The following PEX5L variants were observed in gnomAD, a reference collection of about 807,000 sequenced individuals.
PEX5L encodes the protein PEX5-related protein.
In PEX5L, 30 loss-of-function variants were observed where a neutral mutation model predicts 84.0. The observed-to-expected ratio is 0.36, with a 90% CI of 0.27 to 0.48. The LOEUF (loss-of-function observed/expected upper bound fraction) is 0.48. Among genes scored for constraint, PEX5L ranks in the 20% least tolerant of loss-of-function variants. The probability of loss-of-function intolerance (pLI) is 0.99; values close to 1 mark genes in which losing one functional copy is unlikely to be tolerated. For synonymous variants in PEX5L, 270 were observed against 283.1 expected (o/e 0.95, Z 0.46); for missense variants, 533 against 754.6 (o/e 0.71, Z 3.44).
chr3:179,940,584 G>A (rs1207401093), intron 2 of PEX5L, among the ~76,000 whole-genome samples: 1 of 152,124 alleles, frequency 6.6e-6, no homozygotes, highest in Non-Finnish European at 1.5e-5. Flanking sequence ...CATGAAGAGA[G>A]AACCATGTGG....
chr3:179,923,820 T>C (rs1055164529), intron 2 of PEX5L, among the ~76,000 whole-genome samples: 2 of 152,196 alleles, frequency 1.3e-5, no homozygotes, highest in East Asian at 1.9e-4. Flanking sequence ...GCACAGTAAG[T>C]GTTTAAAAAG....
At chr3:179,854,642 A>G (rs982410339) in intron 8 of PEX5L, among the ~76,000 whole-genome samples, 5 of 152,202 alleles carry the variant, frequency 3.3e-5, no homozygotes, top group African/African-American at 1.2e-4. Context: ...TTTATATACA[A>G]CAATAGATAG....
intron 1 of PEX5L, among the ~76,000 whole-genome samples, chr3:180,027,883 C>A (rs977858542): frequency 6.6e-6 from 1 of 152,030 alleles, no homozygotes; most frequent in South Asian, 2.1e-4. Context: ...TATAGAGTAG[C>A]CTTTATTTTG....
chr3:179,967,602 C>T (rs978605190), intron 2 of PEX5L, among the ~76,000 whole-genome samples: 10 of 152,008 alleles, frequency 6.6e-5, no homozygotes, highest in African/African-American at 2.4e-4. Context: ...TTTAAAGGTA[C>T]CTTTGGTTGT....
At chr3:179,847,224 A>G (rs917888242) in intron 8 of PEX5L, among the ~76,000 whole-genome samples, 1 of 152,056 alleles carries the variant, frequency 6.6e-6, no homozygotes, top group Non-Finnish European at 1.5e-5. Flanking sequence ...ATGTATTTAT[A>G]TATAGATATC....
At chr3:179,923,267 G>T (rs1396718903) in intron 2 of PEX5L, among the ~76,000 whole-genome samples, 1 of 135,244 alleles carries the variant, frequency 7.4e-6, no homozygotes, top group Non-Finnish European at 1.5e-5. Context: ...CTCCAGCCTG[G>T]GCGACAGAGC....
chr3:179,911,221 G>C (rs147735256), intron 2 of PEX5L, among the ~76,000 whole-genome samples: 1 of 152,132 alleles, frequency 6.6e-6, no homozygotes, highest in Non-Finnish European at 1.5e-5. Context: ...GCCTTTTCTC[G>C]TGTGTTATTC....
intron 8 of PEX5L, among the ~76,000 whole-genome samples, chr3:179,851,599 T>C (rs1741920618): frequency 6.6e-6 from 1 of 152,216 alleles, no homozygotes; most frequent in South Asian, 2.1e-4. Flanking sequence ...TTTGCTATGA[T>C]TTTTCATAAA....
At chr3:179,956,226 C>G (rs1780519625) in intron 2 of PEX5L, among the ~76,000 whole-genome samples, 1 of 152,128 alleles carries the variant, frequency 6.6e-6, no homozygotes, top group Non-Finnish European at 1.5e-5. Context: ...TTTTAGCACC[C>G]TCACTTGTAT....
intron 8 of PEX5L, among the ~76,000 whole-genome samples, chr3:179,851,247 C>T (rs1009384506): frequency 1.3e-5 from 2 of 152,170 alleles, no homozygotes; most frequent in Non-Finnish European, 2.9e-5. Context: ...TCTCACAGTT[C>T]TGGAGGCTGA....
At chr3:179,816,430 C>A (rs1726119960) in intron 9 of PEX5L, among the ~76,000 whole-genome samples, 1 of 152,140 alleles carries the variant, frequency 6.6e-6, no homozygotes, top group Non-Finnish European at 1.5e-5. Context: ...AGTTCATGTC[C>A]TTTTCAGGGA....
intron 4 of PEX5L, among the ~76,000 whole-genome samples, chr3:179,884,087 A>G (rs1257868889): frequency 1.3e-5 from 2 of 152,146 alleles, no homozygotes; most frequent in African/African-American, 4.8e-5. Flanking sequence ...AGGTATTCTA[A>G]TTTTACATAT....
chr3:179,996,663 C>T (rs1405869683), intron 1 of PEX5L, among the ~76,000 whole-genome samples: 1 of 152,154 alleles, frequency 6.6e-6, no homozygotes, highest in African/African-American at 2.4e-5. Context: ...CTTTGAAGAG[C>T]CCTGTAATTG....
Position 179,875,501 on chromosome 3 carries a change from T to C in PEX5L, c.506-24A>G, listed in dbSNP as rs200358044. 2.8e-3 allele frequency: 4,378 copies of C among 1,588,904 alleles called. 5 individuals are homozygous for C. Among genetic ancestry groups the C allele is most frequent in the Non-Finnish European group, 3.5e-3 (4,138 of 1,167,140 alleles). On this transcript the variant is annotated intron_variant, in intron 5 of 14. Coordinates refer to ENST00000467460, the MANE Select transcript of PEX5L (RefSeq NM_016559.3). The stretch of plus-strand genomic sequence containing the variant: ...GTCTAGTAAGTACAGAGGAAGCAGG[T>C]GAGGCAGGTGGCGGCAGGGCGGGGT...
chr3:179,847,081 G>GTATATATATA (rs80254022), intron 8 of PEX5L, among the ~76,000 whole-genome samples: 28 of 105,554 alleles, frequency 2.7e-4, no homozygotes, highest in South Asian at 6.1e-4. Context: ...GTGTGTGTGT[G>GTATATATATA]TATATATATA....
At position 179,887,775 on chromosome 3, in the gene PEX5L, C is replaced by T. The variant is rs749707862; in HGVS notation, c.208G>A (p.Glu70Lys). The stretch of plus-strand genomic sequence containing the variant: ...AGGAGGGGTCTGCTTTCTTGTTGCT[C>T]ATTCACCAGCTGAGAACAAATGAAC... ...LLTMTSQLVN[E>K]QQESRPLLSP... The change falls in exon 4 of 15, where the codon GAG becomes AAG. Residue 70 changes from glutamate to lysine, a missense_variant. Glu to Lys is a moderately conservative substitution (Grantham distance 56). This residue lies in a region of PEX5L where 259 missense variants were observed against 301.7 expected (regional missense o/e 0.86). Coordinates refer to ENST00000467460, the MANE Select transcript of PEX5L (RefSeq NM_016559.3). 2.5e-6 allele frequency: 4 copies of T among 1,611,458 alleles called. No homozygotes were observed. The Admixed American group carries it at 5.0e-5, about 20-fold the overall frequency.
At position 179,978,050 on chromosome 3, in the gene PEX5L, C is replaced by T. The variant is rs373040067; in HGVS notation, c.22-6385G>A. 3.9e-5 allele frequency among the ~76,000 whole-genome samples: 6 copies of T among 152,320 alleles called. No homozygotes were observed. In the East Asian group the frequency reaches 7.7e-4, roughly 20 times the overall value. On this transcript the variant is annotated intron_variant, in intron 1 of 14. Coordinates refer to ENST00000467460, the MANE Select transcript of PEX5L (RefSeq NM_016559.3). The stretch of plus-strand genomic sequence containing the variant: ...AACAAGTATGTTGTAGCATTTTAAA[C>T]TGTTTTGCCATATGCATGAGCCCAG...
intron 7 of PEX5L, among the ~76,000 whole-genome samples, chr3:179,870,880 C>G (rs1315509925): frequency 1.3e-5 from 2 of 152,150 alleles, no homozygotes; most frequent in Non-Finnish European, 2.9e-5. Context: ...TTGAAAGAGG[C>G]TAGACTATGT....
chr3:179,805,146 CTTTTTTTTTTTT>C (rs777171015), intron 14 of PEX5L, among the ~76,000 whole-genome samples: 2 of 86,450 alleles, frequency 2.3e-5, no homozygotes, highest in East Asian at 3.5e-4. Flanking sequence ...ACTCGATGGT[CTTTTTTTTTTTT>C]TTTTTTTTTT....
Sources: allele counts gnomAD v4.1 joint callset (sites outside exome capture counted in the v4.1 genomes callset), GRCh38; gene constraint gnomAD v4.1.1; regional missense constraint gnomAD v4.1.1; transcripts MANE v1.5; gene names NCBI Gene and HGNC (gene_info 2026-07-23, HGNC 2026-07-21).